Variants in SDK1 observed in about 807,000 individuals in gnomAD.
SDK1 encodes protein sidekick-1.
In SDK1, 157 loss-of-function variants were observed where a neutral mutation model predicts 245.5. The ratio of observed to expected loss-of-function variants is 0.64; its 90% confidence interval spans 0.56 to 0.73. SDK1 has a LOEUF of 0.73. SDK1 is among the 30% of genes least tolerant of loss of function. The pLI, the probability that SDK1 is intolerant of heterozygous loss-of-function variation, is 0.00. For missense variants in SDK1, 3,583 were observed against 3,002.3 expected (o/e 1.19, Z -4.52); for synonymous variants, 1,647 against 1,278.5 (o/e 1.29, Z -6.15).
At chr7:3,996,623 TC>T (rs1330311539) in intron 14 of SDK1, among the ~76,000 whole-genome samples, 2 of 152,214 alleles carry the variant, frequency 1.3e-5, no homozygotes, top group Non-Finnish European at 2.9e-5. Context: ...TAGCAATTTT[TC>T]CCCATTTCGT....
At chr7:3,602,448 A>G (rs541400925) in intron 1 of SDK1, among the ~76,000 whole-genome samples, 1 of 151,564 alleles carries the variant, frequency 6.6e-6, no homozygotes, top group Non-Finnish European at 1.5e-5. Flanking sequence ...GCATTTTTTC[A>G]TGTCTTTTGG....
intron 1 of SDK1, among the ~76,000 whole-genome samples, chr7:3,519,621 T>G (rs1398060359): frequency 1.3e-5 from 2 of 152,118 alleles, no homozygotes; most frequent in East Asian, 3.9e-4. Flanking sequence ...ATAAAGAAAT[T>G]GAGGCAGAGA....
intron 5 of SDK1, among the ~76,000 whole-genome samples, chr7:3,875,043 G>T (rs151139832): frequency 6.6e-6 from 1 of 152,104 alleles, no homozygotes; most frequent in Non-Finnish European, 1.5e-5. Flanking sequence ...CTTTATACAC[G>T]CTCACTAGCC....
chr7:3,485,993 A>G (rs1781682925), intron 1 of SDK1, among the ~76,000 whole-genome samples: 1 of 151,902 alleles, frequency 6.6e-6, no homozygotes, highest in Admixed American at 6.6e-5. Flanking sequence ...GACAGTTTAT[A>G]TAATATTGGA....
At chr7:3,481,044 CAG>C (rs1185125543) in intron 1 of SDK1, among the ~76,000 whole-genome samples, 2 of 152,124 alleles carry the variant, frequency 1.3e-5, no homozygotes, top group Non-Finnish European at 2.9e-5. Context: ...TGTTTTAAAT[CAG>C]AGAATTTCAA....
intron 4 of SDK1, among the ~76,000 whole-genome samples, chr7:3,754,710 T>A (rs1051082758): frequency 6.6e-6 from 1 of 152,106 alleles, no homozygotes; most frequent in Admixed American, 6.6e-5. Context: ...TACTCCCTTG[T>A]CAGTGGTAAC....
intron 1 of SDK1, among the ~76,000 whole-genome samples, chr7:3,466,979 TACACACACACACACACACACACA>T (rs1781022496): frequency 7.8e-6 from 1 of 127,544 alleles, no homozygotes; most frequent in African/African-American, 3.1e-5. Flanking sequence ...TCTCTCTCTC[TACACACACACACACACACACACA>T]CACACACACA....
intron 1 of SDK1, among the ~76,000 whole-genome samples, chr7:3,406,573 C>A (rs182633564): frequency 6.6e-6 from 1 of 152,078 alleles, no homozygotes; most frequent in Admixed American, 6.6e-5. Flanking sequence ...TTCTATAGAT[C>A]GTTTTGTGGA....
At chr7:3,832,846 C>G (rs1203633097) in intron 5 of SDK1, among the ~76,000 whole-genome samples, 3 of 151,974 alleles carry the variant, frequency 2.0e-5, no homozygotes, top group Admixed American at 2.0e-4. Flanking sequence ...AAATTAGTTC[C>G]TTCCAATCTA....
At chr7:3,810,999 A>T (rs1779370295) in intron 4 of SDK1, among the ~76,000 whole-genome samples, 1 of 152,210 alleles carries the variant, frequency 6.6e-6, no homozygotes, top group South Asian at 2.1e-4. Context: ...CCTATTAACT[A>T]AAACTCTAGG....
intron 4 of SDK1, among the ~76,000 whole-genome samples, chr7:3,777,941 T>G (rs115092322): frequency 0.011 from 1,623 of 152,342 alleles, 32 homozygotes; most frequent in African/African-American, 0.037. Flanking sequence ...CACAGCTTCA[T>G]GCTGAGAAAG....
chr7:3,518,586 C>G (rs1189498156), intron 1 of SDK1, among the ~76,000 whole-genome samples: 1 of 151,852 alleles, frequency 6.6e-6, no homozygotes, highest in Non-Finnish European at 1.5e-5. Flanking sequence ...AAAGTATGCT[C>G]AACATCACTA....
At chr7:3,852,529 C>T (rs1480520785) in intron 5 of SDK1, among the ~76,000 whole-genome samples, 7 of 151,372 alleles carry the variant, frequency 4.6e-5, no homozygotes, top group African/African-American at 9.7e-5. Flanking sequence ...GGGCGGATCA[C>T]GAGGTCAGGA....
intron 5 of SDK1, among the ~76,000 whole-genome samples, chr7:3,937,804 G>C (rs989723702): frequency 2.0e-5 from 3 of 152,184 alleles, no homozygotes; most frequent in Non-Finnish European, 4.4e-5. Context: ...CTCCACGCCC[G>C]GGCTTGCATG....
chr7:4,241,251 CATTT>C (rs936241209), intron 42 of SDK1, among the ~76,000 whole-genome samples: 15 of 152,204 alleles, frequency 9.9e-5, no homozygotes. Context: ...CACTCCCACA[CATTT>C]ATCTTTACTT....
At chr7:3,957,519 T>C (rs1781368702) in intron 7 of SDK1, among the ~76,000 whole-genome samples, 1 of 152,192 alleles carries the variant, frequency 6.6e-6, no homozygotes, top group Admixed American at 6.5e-5. Context: ...CTATAATTAA[T>C]CATAAGCAAA....
rs917047353 is a variant in SDK1 at position 4,138,180 on chromosome 7, C to T, written c.4228+5757C>T. 3.9e-5 allele frequency among the ~76,000 whole-genome samples: 6 copies of T among 152,290 alleles called. 1 individual carries two copies. The South Asian group carries it at 8.3e-4, about 21-fold the overall frequency. ...TTTCTGCAATTAGCAGGGATGCCGT[C>T]GTGCTTTGCAATCTGCATACATTGT... On this transcript the variant is annotated intron_variant, in intron 28 of 44. Coordinates refer to ENST00000404826, the MANE Select transcript of SDK1 (RefSeq NM_152744.4).
At chr7:3,960,205 G>T (rs1187003558) in intron 8 of SDK1, among the ~76,000 whole-genome samples, 2 of 152,198 alleles carry the variant, frequency 1.3e-5, no homozygotes, top group African/African-American at 2.4e-5. Flanking sequence ...AGTGCCAAAG[G>T]CACTGGGCCA....
chr7:4,038,912 T>C (rs1583907301), intron 17 of SDK1, among the ~76,000 whole-genome samples: 1 of 152,178 alleles, frequency 6.6e-6, no homozygotes. Context: ...AAATACGACA[T>C]TGAGACAGAA....
Sources: gnomAD v4.1 joint callset for allele counts (sites outside exome capture counted in the v4.1 genomes callset) on GRCh38, gnomAD v4.1.1 for gene constraint, MANE v1.5 for transcripts, NCBI Gene and HGNC (gene_info 2026-07-23, HGNC 2026-07-21) for gene names.